The following CHLSN variants were observed in gnomAD, a reference collection of about 807,000 sequenced individuals.
CHLSN encodes cholesin.
At chr7:1,051,892 C>T in the CHLSN span, among the ~76,000 whole-genome samples, 19,540 of 152,192 alleles carry the variant, frequency 0.13, 1,683 homozygotes, top group Admixed American at 0.17. Context: ...ATGGGAGGAT[C>T]GCTTGAGCCC....
the CHLSN span, among the ~76,000 whole-genome samples, chr7:991,054 C>G: frequency 6.6e-6 from 1 of 152,090 alleles, no homozygotes; most frequent in Non-Finnish European, 1.5e-5. Context: ...GCAGGGGACC[C>G]TCGGGCCCCC....
At chr7:1,035,300 A>G in the CHLSN span, among the ~76,000 whole-genome samples, 9 of 152,186 alleles carry the variant, frequency 5.9e-5, no homozygotes, top group African/African-American at 2.2e-4. Flanking sequence ...TGTCTTTGTG[A>G]CTGTGAACAG....
At chr7:1,090,799 A>G in the CHLSN span, among the ~76,000 whole-genome samples, 1 of 152,280 alleles carries the variant, frequency 6.6e-6, no homozygotes, top group African/African-American at 2.4e-5. Context: ...TTGTTAAAAC[A>G]TGAAATAAAA....
At chr7:983,257 G>C in the CHLSN span, 1 of 1,540,668 alleles carries the variant, frequency 6.5e-7, no homozygotes, top group Non-Finnish European at 8.8e-7. Context: ...GGGGCTCTGG[G>C]GGCTGCTCTG....
the CHLSN span, among the ~76,000 whole-genome samples, chr7:1,034,360 T>A: frequency 2.0e-5 from 3 of 151,414 alleles, no homozygotes; most frequent in African/African-American, 7.3e-5. Context: ...TTGAGGTACA[T>A]GTTTCATGCA....
the CHLSN span, among the ~76,000 whole-genome samples, chr7:1,011,409 A>G: frequency 9.4e-6 from 1 of 106,270 alleles, no homozygotes; most frequent in Non-Finnish European, 1.8e-5. Context: ...AGATACCCAA[A>G]CACCCACAGA....
the CHLSN span, among the ~76,000 whole-genome samples, chr7:1,071,095 A>G: frequency 6.6e-6 from 1 of 152,364 alleles, no homozygotes; most frequent in East Asian, 1.9e-4. Context: ...CTCCAGGGTA[A>G]CAGGAGCCAT....
the CHLSN span, among the ~76,000 whole-genome samples, chr7:1,061,239 C>T: frequency 6.6e-6 from 1 of 152,166 alleles, no homozygotes; most frequent in African/African-American, 2.4e-5. Flanking sequence ...TTCAATACCC[C>T]TCATCCCACC....
chr7:1,103,212 C>T, the CHLSN span, among the ~76,000 whole-genome samples: 2 of 152,334 alleles, frequency 1.3e-5, no homozygotes, highest in South Asian at 2.1e-4. Context: ...CAAACTAAAC[C>T]TCCTCCCACG....
chr7:1,073,727 CACCCCGCTGCCGTCACACACCCCG>C, the CHLSN span, among the ~76,000 whole-genome samples: 5 of 137,342 alleles, frequency 3.6e-5, no homozygotes, highest in East Asian at 4.4e-4. Flanking sequence ...CCCGACCCCT[CACCCCGCTGCCGTCACACACCCCG>C]ACCCCGCTGC....
chr7:1,108,286 G>A, the CHLSN span, among the ~76,000 whole-genome samples: 4 of 149,180 alleles, frequency 2.7e-5, 1 homozygote, highest in African/African-American at 5.0e-5. Flanking sequence ...ACCCCGGGGG[G>A]AAGCAGGGGA....
the CHLSN span, among the ~76,000 whole-genome samples, chr7:1,115,626 C>G: frequency 1.6e-4 from 21 of 134,490 alleles, 1 homozygote; most frequent in Admixed American, 1.6e-3. Flanking sequence ...CTTCCATCAC[C>G]AACGCCCACG....
chr7:1,093,260 C>T, the CHLSN span: 1 of 455,320 alleles, frequency 2.2e-6, no homozygotes, highest in Non-Finnish European at 4.6e-6. Context: ...ACACAGGAAC[C>T]CTAAAGCAAA....
the CHLSN span, among the ~76,000 whole-genome samples, chr7:1,022,203 C>T: frequency 2.6e-5 from 4 of 152,176 alleles, no homozygotes; most frequent in Non-Finnish European, 5.9e-5. Flanking sequence ...AGCCTGGCCC[C>T]GTCCCACGAG....
chr7:1,089,690 T>C, the CHLSN span, among the ~76,000 whole-genome samples: 7 of 149,536 alleles, frequency 4.7e-5, 1 homozygote, highest in Admixed American at 4.7e-4. Flanking sequence ...CCTGAAGTGC[T>C]GGGATTATAG....
the CHLSN span, among the ~76,000 whole-genome samples, chr7:1,082,477 TAAAGAC>T: frequency 6.6e-6 from 1 of 152,170 alleles, no homozygotes; most frequent in African/African-American, 2.4e-5. Flanking sequence ...CATCCCCACT[TAAAGAC>T]AAAGTGAATG....
At chr7:1,042,833 G>T in the CHLSN span, among the ~76,000 whole-genome samples, 46 of 152,274 alleles carry the variant, frequency 3.0e-4, 1 homozygote, top group East Asian at 7.7e-3. Context: ...CTCTTAGGCG[G>T]GCTGCTAGGA....
chr7:1,036,700 A>G, the CHLSN span, among the ~76,000 whole-genome samples: 1 of 121,632 alleles, frequency 8.2e-6, no homozygotes, highest in Non-Finnish European at 2.1e-5. Context: ...ATAGGGGAAG[A>G]TGGCGGCTGC....
the CHLSN span, chr7:1,081,929 A>G: frequency 3.3e-5 from 5 of 152,034 alleles, no homozygotes; most frequent in East Asian, 9.7e-4. Flanking sequence ...CTGTCCCCCC[A>G]CCCACCAGGT....
Sources: allele counts gnomAD v4.1 joint callset (sites outside exome capture counted in the v4.1 genomes callset), GRCh38; gene constraint gnomAD v4.1.1; transcripts MANE v1.5; gene names NCBI Gene and HGNC (gene_info 2026-07-23, HGNC 2026-07-21).